The following TAB1 variants were observed in gnomAD, a reference collection of about 807,000 sequenced individuals.
The protein encoded by TAB1 is TGF-beta-activated kinase 1 and MAP3K7-binding protein 1.
TAB1 carries 30 observed loss-of-function variants against 54.5 expected under a neutral mutation model. That is an observed-to-expected ratio of 0.55 (90% CI 0.41 to 0.75). TAB1 has a LOEUF of 0.75. TAB1 is among the 30% of genes least tolerant of loss of function. TAB1 has a pLI of 0.00. For missense variants in TAB1, 609 were observed against 683.2 expected, an observed-to-expected ratio of 0.89 and a Z score of 1.21; for synonymous variants, 289 against 286.9, an observed-to-expected ratio of 1.01 and a Z score of -0.07.
At chr22:39,413,154 T>C (rs925288290) in intron 1 of TAB1, among the ~76,000 whole-genome samples, 2 of 152,116 alleles carry the variant, frequency 1.3e-5, no homozygotes, top group African/African-American at 2.4e-5. Flanking sequence ...GACCTCATGA[T>C]CCACCTGCCT....
chr22:39,416,720 A>G (rs1467275674), intron 3 of TAB1, 71 bp from the exon 4 acceptor site: 2 of 1,412,882 alleles, frequency 1.4e-6, no homozygotes, highest in Non-Finnish European at 1.0e-6. Context: ...GCTCTGATTA[A>G]TAGAGGACAT....
intron 1 of TAB1, among the ~76,000 whole-genome samples, chr22:39,402,231 G>C (rs1398332216): frequency 6.6e-6 from 1 of 152,208 alleles, no homozygotes; most frequent in African/African-American, 2.4e-5. Flanking sequence ...TGCCCAGGCT[G>C]GTCTAGAATC....
chr22:39,429,864 C>G, intron 10 of TAB1, 151 bp from the exon 11 acceptor site: 1 of 1,473,418 alleles, frequency 6.8e-7, no homozygotes, highest in Non-Finnish European at 9.0e-7. Context: ...TTCCTAAGAT[C>G]ATCTGGCTGG....
intron 7 of TAB1, among the ~76,000 whole-genome samples, chr22:39,421,463 A>G (rs1927087140): frequency 6.6e-6 from 1 of 152,112 alleles, no homozygotes; most frequent in Non-Finnish European, 1.5e-5. Context: ...GGAAAAGCCC[A>G]AATAATAGCA....
At chr22:39,433,545 G>A (rs1199362174), downstream of TAB1, 1 of 985,290 alleles carries the variant, frequency 1.0e-6, no homozygotes, top group Non-Finnish European at 1.2e-6. Context: ...CGTTGTCCCA[G>A]GACGGGGGCA....
At chr22:39,419,673 A>T in intron 7 of TAB1, 43 bp downstream of exon 7, 1 of 1,456,200 alleles carries the variant, frequency 6.9e-7, no homozygotes, top group Non-Finnish European at 9.5e-7. Context: ...AAAGAACAGA[A>T]GGTCCTAGGG....
downstream of TAB1, chr22:39,432,431 A>G (rs1395196939): frequency 2.0e-5 from 3 of 152,446 alleles, no homozygotes; most frequent in South Asian, 6.2e-4. Flanking sequence ...AAACCGAAAC[A>G]GTGCATCTGC....
chr22:39,436,565 A>G, downstream of TAB1: 4 of 1,613,450 alleles, frequency 2.5e-6, no homozygotes, highest in Non-Finnish European at 3.4e-6. Flanking sequence ...GCCTGACCCC[A>G]GGGTAGGAAG....
Position 39,430,523 on chromosome 22 carries a change from C to T in TAB1, c.*301C>T. 1 of 1,277,500 alleles carries T rather than the reference C, an allele frequency of 7.8e-7. No individual in the cohort carries two copies. The highest frequency in any genetic ancestry group is 1.0e-6 in the Non-Finnish European group (1 of 1,000,224). The allele number at this position is 1,277,500 out of a possible 1,614,324, so 79.1% of individuals were successfully genotyped here. On this transcript the variant is annotated 3_prime_UTR_variant, in exon 11 of 11. Transcript: ENST00000216160. ...GAAACCGCAGTGGGCCTGCAAGCCG[C>T]CCGAGCCTCCCCAGCAGCCTCCTAC...
intron 7 of TAB1, among the ~76,000 whole-genome samples, 196 bp downstream of exon 7, chr22:39,419,826 G>C (rs373096705): frequency 6.6e-6 from 1 of 151,836 alleles, no homozygotes; most frequent in Non-Finnish European, 1.5e-5. Flanking sequence ...GGCAGACGCA[G>C]ACTGTAGGCC....
At chr22:39,429,301 C>A in intron 10 of TAB1, 1 of 985,304 alleles carries the variant, frequency 1.0e-6, no homozygotes, top group African/African-American at 1.7e-5. Context: ...ACACCTTGCC[C>A]GCCCTGCTGA....
rs1414168203 is a variant in TAB1 at position 39,430,436 on chromosome 22, C to T, written c.*214C>T. The T allele has an allele frequency of 7.0e-7, 1 of 1,425,252 alleles. No homozygotes were observed. The highest frequency in any genetic ancestry group is 9.2e-7 in the Non-Finnish European group (1 of 1,090,732). The allele number at this position is 1,425,252 out of a possible 1,614,324, so 88.3% of individuals were successfully genotyped here. A position where few individuals can be genotyped will look rare whatever the true frequency, so the allele number is the denominator to read the frequency against. On this transcript the variant is annotated 3_prime_UTR_variant, in exon 11 of 11. Coordinates refer to ENST00000216160, the MANE Select transcript of TAB1 (RefSeq NM_006116.3). Reference sequence around the variant, plus strand: ...TCACCACCCGGGAAGCTGAAGGCCACTTCCTCCCAGATGGCCTCAGCCAGG... The same window carrying T: ...TCACCACCCGGGAAGCTGAAGGCCATTTCCTCCCAGATGGCCTCAGCCAGG...
chr22:39,426,368 G>A (rs1927335988), intron 8 of TAB1, among the ~76,000 whole-genome samples: 1 of 151,958 alleles, frequency 6.6e-6, no homozygotes, highest in Admixed American at 6.5e-5. Context: ...AATGACACTT[G>A]CTACTAGGCT....
chr22:39,409,368 G>A (rs574158372), intron 1 of TAB1, among the ~76,000 whole-genome samples: 97 of 152,258 alleles, frequency 6.4e-4, no homozygotes, highest in Admixed American at 1.0e-3. Context: ...AAGACATAGG[G>A]GATAATTGGC....
chr22:39,399,960 A>C, intron 1 of TAB1, 125 bp downstream of exon 1: 1 of 1,071,576 alleles, frequency 9.3e-7, no homozygotes. Context: ...TGTGTCAGCC[A>C]CCTTCTCCTC....
chr22:39,408,648 G>T lies in TAB1; in HGVS notation c.34-6358G>T, dbSNP rs570162930. Among the ~76,000 whole-genome samples the T allele has an allele frequency of 3.3e-5, 5 of 152,152 alleles. 1 individual carries two copies. In the South Asian group the frequency reaches 1.0e-3, roughly 32 times the overall value. ...CTTCCGAGTAGCTGAGACTACAGGC[G>T]CTTGCCACCACACCCGGTTAATTTT... On this transcript the variant is annotated intron_variant, in intron 1 of 10. Coordinates refer to ENST00000216160, the MANE Select transcript of TAB1 (RefSeq NM_006116.3).
chr22:39,425,804 C>T (rs929804347), intron 8 of TAB1, among the ~76,000 whole-genome samples: 6 of 151,738 alleles, frequency 4.0e-5, no homozygotes, highest in African/African-American at 1.5e-4. Context: ...CCTCAGAATC[C>T]CAAAGTGCTG....
intron 1 of TAB1, among the ~76,000 whole-genome samples, chr22:39,401,890 A>T (rs1342901804): frequency 6.6e-6 from 1 of 152,114 alleles, no homozygotes; most frequent in Non-Finnish European, 1.5e-5. Flanking sequence ...CTCAGCTCAG[A>T]CACCTGCATT....
At chr22:39,417,666 G>A in intron 4 of TAB1, 45 bp from the exon 5 acceptor site, 1 of 1,521,554 alleles carries the variant, frequency 6.6e-7, no homozygotes, top group Non-Finnish European at 8.8e-7. Context: ...CTAGGAAGAT[G>A]GTCCAGAGTT....
Sources: allele counts gnomAD v4.1 joint callset (sites outside exome capture counted in the v4.1 genomes callset), GRCh38; gene constraint gnomAD v4.1.1; transcripts MANE v1.5; gene names NCBI Gene and HGNC (gene_info 2026-07-23, HGNC 2026-07-21).